The following NOVA1 variants were observed in gnomAD, a reference collection of about 807,000 sequenced individuals.
NOVA1 encodes the protein NOVA alternative splicing regulator 1.
A neutral mutation model predicts 38.0 loss-of-function variants in NOVA1; 7 were observed. The observed-to-expected ratio is 0.18, with a 90% CI of 0.10 to 0.35. The LOEUF is 0.35. Among genes scored for constraint, NOVA1 ranks in the 10% least tolerant of loss-of-function variants. The pLI is 1.00. For missense variants in NOVA1, 460 were observed against 616.0 expected, an observed-to-expected ratio of 0.75 and a Z score of 2.68; for synonymous variants, 270 against 232.5, an observed-to-expected ratio of 1.16 and a Z score of -1.47.
At chr14:26,590,594 T>A (rs1893786254) in intron 2 of NOVA1, among the ~76,000 whole-genome samples, 1 of 151,832 alleles carries the variant, frequency 6.6e-6, no homozygotes, top group Non-Finnish European at 1.5e-5. Flanking sequence ...ATAAAATACA[T>A]AAGTTTTTCA....
At chr14:26,580,465 G>A (rs962986724) in intron 2 of NOVA1, among the ~76,000 whole-genome samples, 11 of 151,624 alleles carry the variant, frequency 7.3e-5, no homozygotes. Context: ...CACTATATAG[G>A]CAAAAACATA....
intron 4 of NOVA1, among the ~76,000 whole-genome samples, chr14:26,456,256 TG>T (rs1480105698): frequency 2.6e-5 from 4 of 151,838 alleles, no homozygotes; most frequent in Admixed American, 6.6e-5. Flanking sequence ...AAGTAGATGG[TG>T]GAAAAGGGGT....
chr14:26,499,045 A>T (rs1887055591), intron 2 of NOVA1, among the ~76,000 whole-genome samples: 1 of 152,202 alleles, frequency 6.6e-6, no homozygotes, highest in African/African-American at 2.4e-5. Flanking sequence ...CCAGGGTGGG[A>T]GTACATGAGG....
chr14:26,457,156 T>C (rs1361852594), intron 4 of NOVA1, among the ~76,000 whole-genome samples: 3 of 151,560 alleles, frequency 2.0e-5, no homozygotes, highest in Non-Finnish European at 2.9e-5. Context: ...TGTCCAAAAT[T>C]AGGCTGCAGA....
At chr14:26,575,461 G>GA (rs1594565383) in intron 2 of NOVA1, among the ~76,000 whole-genome samples, 1 of 152,128 alleles carries the variant, frequency 6.6e-6, no homozygotes, top group Non-Finnish European at 1.5e-5. Context: ...TAATAACCAC[G>GA]AAAAATAAAA....
chr14:26,455,382 G>A (rs377277799), intron 4 of NOVA1, among the ~76,000 whole-genome samples: 7 of 152,166 alleles, frequency 4.6e-5, no homozygotes, highest in South Asian at 2.1e-4. Flanking sequence ...TAATAGATAC[G>A]TGGTCTTACC....
chr14:26,479,985 T>G lies in NOVA1; in HGVS notation c.439A>C (p.Ile147Leu), dbSNP rs775763533. 5 of 1,613,694 alleles carry G rather than the reference T, an allele frequency of 3.1e-6. No homozygotes were observed. The highest frequency in any genetic ancestry group is 1.3e-5 in the African/African-American group (1 of 74,930). The change falls in exon 3 of 5, where the codon ATC becomes CTC. Residue 147 changes from isoleucine (I) to leucine (L), a missense_variant. Transcript: ENST00000539517. Reference sequence around the variant, plus strand: ...CTCAACTAAACACTCACTTGTTTGATGCGATCTGGATTAACGGTGGTCTGG... The same window carrying G: ...CTCAACTAAACACTCACTTGTTTGAGGCGATCTGGATTAACGGTGGTCTGG... Reference protein sequence around the residue: ...QPQTTVNPDRIKQTLPSSPTT... With the variant: ...QPQTTVNPDRLKQTLPSSPTT...
chr14:26,522,363 T>A (rs1168635262), intron 2 of NOVA1, among the ~76,000 whole-genome samples: 1 of 152,112 alleles, frequency 6.6e-6, no homozygotes, highest in African/African-American at 2.4e-5. Context: ...TGCAAATTTG[T>A]GTAGGGTTGG....
In NOVA1 at chr14:26,585,751, A is replaced by C. The variant is rs920675940; in HGVS notation, c.280+9659T>G. On this transcript the variant is annotated intron_variant, in intron 2 of 4. Coordinates refer to ENST00000539517, the MANE Select transcript of NOVA1 (RefSeq NM_002515.3). ...GAGGTGGCTTTAACATACTCTCCAT[A>C]ATATTGGATTTCAGTTTCTTTCACA... Among the ~76,000 whole-genome samples the C allele has an allele frequency of 2.6e-5, 4 of 151,012 alleles. 1 individual carries two copies. Among genetic ancestry groups the C allele is most frequent in the Admixed American group, 2.6e-4 (4 of 15,104 alleles).
At chr14:26,459,218 A>G (rs1216516477) in intron 4 of NOVA1, among the ~76,000 whole-genome samples, 1 of 152,164 alleles carries the variant, frequency 6.6e-6, no homozygotes, top group Non-Finnish European at 1.5e-5. Flanking sequence ...TACACGTATC[A>G]TATATACAGG....
chr14:26,519,265 G>A (rs1039857557), intron 2 of NOVA1: 3 of 152,114 alleles, frequency 2.0e-5, no homozygotes, highest in African/African-American at 7.2e-5. Context: ...AACAATCACA[G>A]TACAACCTGT....
intron 2 of NOVA1, among the ~76,000 whole-genome samples, chr14:26,586,674 T>C (rs183296325): frequency 1.2e-3 from 175 of 150,636 alleles, no homozygotes; most frequent in African/African-American, 4.0e-3. Context: ...TGAAGAAAAA[T>C]AACAATGCTG....
At chr14:26,487,265 C>T (rs955903272) in intron 2 of NOVA1, among the ~76,000 whole-genome samples, 1 of 152,076 alleles carries the variant, frequency 6.6e-6, no homozygotes, top group Non-Finnish European at 1.5e-5. Context: ...CAACTACAGA[C>T]CTTTTGTTTC....
rs1882154576 is a variant in NOVA1, at chr14:26,447,278, T to A, written c.*681A>T. ...AGAGGTGGGACTCCATGTGAGAACT[T>A]TTGTTGAACTTACAAATGATGAAGA... On this transcript the variant is annotated 3_prime_UTR_variant, in exon 5 of 5. Coordinates refer to ENST00000539517, the MANE Select transcript of NOVA1 (RefSeq NM_002515.3). 1 of 152,718 alleles carries A rather than the reference T, an allele frequency of 6.5e-6. No individual in the cohort carries two copies. The highest frequency in any genetic ancestry group is 1.5e-5 in the Non-Finnish European group (1 of 68,140). 9.5% of individuals were successfully genotyped at this position (152,718 alleles called of 1,614,324 possible).
At chr14:26,590,188 C>G (rs1346666639) in intron 2 of NOVA1, among the ~76,000 whole-genome samples, 3 of 151,852 alleles carry the variant, frequency 2.0e-5, no homozygotes, top group Non-Finnish European at 1.5e-5. Context: ...GACTGCAAAG[C>G]TGAATGCACC....
intron 1 of NOVA1, among the ~76,000 whole-genome samples, chr14:26,596,374 C>CCCT (rs972022584): frequency 3.9e-5 from 6 of 152,020 alleles, no homozygotes; most frequent in African/African-American, 1.4e-4. Context: ...GTGGAAGAAC[C>CCCT]AGGAAAAATA....
rs964165426 is a variant in NOVA1 at position 26,597,455 on chromosome 14, T to C, written c.-19A>G. 2 of 1,284,482 alleles carry C rather than the reference T, an allele frequency of 1.6e-6. No individual in the cohort carries two copies. The highest frequency in any genetic ancestry group is 3.7e-5 in the South Asian group (1 of 26,978). 79.6% of individuals were successfully genotyped at this position (1,284,482 alleles called of 1,614,324 possible). On this transcript the variant is annotated 5_prime_UTR_variant, in exon 1 of 5. Coordinates refer to ENST00000539517, the MANE Select transcript of NOVA1 (RefSeq NM_002515.3). ...CCATCATGTTTGCAGTTCCTGCCGCTGCTACCGGGAGAAGGTTCTCCCTTT... is the reference window on the plus strand; with the variant it reads ...CCATCATGTTTGCAGTTCCTGCCGCCGCTACCGGGAGAAGGTTCTCCCTTT...
At chr14:26,513,565 T>C (rs1888249158) in intron 2 of NOVA1, among the ~76,000 whole-genome samples, 1 of 151,782 alleles carries the variant, frequency 6.6e-6, no homozygotes, top group African/African-American at 2.4e-5. Flanking sequence ...TGTCAGTGCT[T>C]CTGAACAATG....
intron 2 of NOVA1, chr14:26,549,607 T>C (rs774329661): frequency 6.7e-5 from 38 of 567,146 alleles, no homozygotes; most frequent in Admixed American, 2.8e-4. Context: ...CACTTTTAGA[T>C]GATGTTTCCC....
Sources: allele counts gnomAD v4.1 joint callset (sites outside exome capture counted in the v4.1 genomes callset), GRCh38; gene constraint gnomAD v4.1.1; transcripts MANE v1.5; gene names NCBI Gene and HGNC (gene_info 2026-07-23, HGNC 2026-07-21).